DOCK1: variants seen among roughly 807,000 people sequenced by gnomAD.
DOCK1 encodes dedicator of cytokinesis 1, also known as dedicator of cytokinesis protein 1.
Under a neutral mutation model 262.7 loss-of-function variants are expected in DOCK1, and 138 were observed. The ratio of observed to expected loss-of-function variants is 0.53; its 90% CI spans 0.46 to 0.61. The LOEUF is 0.61. Among genes scored for constraint, DOCK1 ranks in the 20% least tolerant of loss-of-function variants. DOCK1 has a pLI of 0.00. For missense variants in DOCK1, 1,908 were observed against 2,370.7 expected (o/e 0.80, Z 4.05); for synonymous variants, 866 against 867.4 (o/e 1.00, Z 0.03).
intron 18 of DOCK1, among the ~76,000 whole-genome samples, chr10:127,036,059 G>A (rs2043593988): frequency 6.9e-6 from 1 of 145,858 alleles, no homozygotes; most frequent in South Asian, 2.2e-4. Context: ...AGAGTAGAGT[G>A]CTCAATTCGT....
intron 27 of DOCK1, among the ~76,000 whole-genome samples, chr10:127,217,092 G>A (rs956228043): frequency 2.6e-5 from 4 of 152,132 alleles, no homozygotes; most frequent in Non-Finnish European, 5.9e-5. Context: ...AGAAGGGAAG[G>A]GGCACAGGCA....
intron 11 of DOCK1, among the ~76,000 whole-genome samples, chr10:127,011,528 G>C (rs2041442173): frequency 6.6e-6 from 1 of 152,168 alleles, no homozygotes; most frequent in Non-Finnish European, 1.5e-5. Context: ...TGTGCTACAT[G>C]GTATTTCTAT....
chr10:127,447,637 G>T, intron 51 of DOCK1, 92 bp downstream of exon 51: 2 of 1,512,920 alleles, frequency 1.3e-6, no homozygotes, highest in East Asian at 2.4e-5. Flanking sequence ...GGTTTACTTC[G>T]GGCTAGTGAG....
At chr10:127,390,046 T>G (rs2066384963) in intron 38 of DOCK1, among the ~76,000 whole-genome samples, 1 of 149,808 alleles carries the variant, frequency 6.7e-6, no homozygotes, top group Non-Finnish European at 1.5e-5. Context: ...GAGACCTCCC[T>G]GCCTTCTGCT....
chr10:127,001,859 T>G (rs1488222956), intron 10 of DOCK1, among the ~76,000 whole-genome samples: 3 of 152,122 alleles, frequency 2.0e-5, no homozygotes, highest in African/African-American at 7.2e-5. Flanking sequence ...CCTTTTGCAT[T>G]TTCATCTTTC....
intron 1 of DOCK1, among the ~76,000 whole-genome samples, chr10:126,969,675 G>A (rs1057319847): frequency 4.0e-5 from 6 of 151,850 alleles, no homozygotes; most frequent in Non-Finnish European, 5.9e-5. Context: ...CCCAGCTGGC[G>A]AGGGAGAAGT....
intron 27 of DOCK1, among the ~76,000 whole-genome samples, chr10:127,200,504 C>T (rs1293759283): frequency 6.6e-6 from 1 of 152,086 alleles, no homozygotes; most frequent in Admixed American, 6.6e-5. Flanking sequence ...CTGCAACCTC[C>T]ATCTCCCATG....
At chr10:127,449,020 G>T (rs1326642479) in intron 51 of DOCK1, among the ~76,000 whole-genome samples, 2 of 152,062 alleles carry the variant, frequency 1.3e-5, no homozygotes, top group African/African-American at 4.8e-5. Flanking sequence ...ATATCAAAGA[G>T]GCAGATTGCT....
At chr10:127,203,815 C>T (rs982906553) in intron 27 of DOCK1, among the ~76,000 whole-genome samples, 11 of 151,724 alleles carry the variant, frequency 7.3e-5, no homozygotes, top group Non-Finnish European at 5.9e-5. Context: ...CCCCTCACTT[C>T]GGGGTTCTCA....
At chr10:126,945,462 A>AGAGAGAGAGG (rs1386264414) in intron 1 of DOCK1, among the ~76,000 whole-genome samples, 1 of 151,298 alleles carries the variant, frequency 6.6e-6, no homozygotes, top group African/African-American at 2.4e-5. Flanking sequence ...GGAAAGAGAG[A>AGAGAGAGAGG]GAGAGAGAGG....
Position 127,012,257 on chromosome 10 carries a change from C to T in DOCK1, c.1084C>T (p.His362Tyr), listed in dbSNP as rs780791808. Residue 362 changes from histidine to tyrosine, a missense_variant, in exon 12 of 52, where the codon CAC (histidine) becomes TAC (tyrosine). This residue lies in a region of DOCK1 where 57 missense variants were observed against 39.7 expected (regional missense o/e 1.44). Transcript: ENST00000623213. This position sits in a 1 kb window ranked among gnomAD's most constrained non-coding sequence, Gnocchi z 4.0. ...QPLALDDAIR[H>Y]KPLNMSSRFS... is the part of the protein sequence containing the mutation. ...GCTCGCGTTGGACGACGCCATTCGA[C>T]ACAAGCCGCTGAACATGTCATCCCG... 5.0e-6 allele frequency: 8 copies of T among 1,610,420 alleles called. No individual in the cohort carries two copies. In the Admixed American group the frequency reaches 1.2e-4, roughly 23 times the overall value.
Position 127,012,102 on chromosome 10 carries a change from C to T in DOCK1, c.1059-130C>T, listed in dbSNP as rs565833369. 9 of 628,184 alleles carry T rather than the reference C, an allele frequency of 1.4e-5. No individual in the cohort carries two copies. Among genetic ancestry groups the T allele is most frequent in the East Asian group, 2.7e-5 (1 of 36,432 alleles). The allele number at this position is 628,184 out of a possible 1,614,324, so 38.9% of individuals were successfully genotyped here. ...TCTTGTCACCTCTCCCATCCTTTGT[C>T]GTGCGTTGACTCATGATGCCTCCCT... On this transcript the variant is annotated intron_variant, in intron 11 of 51. Transcript: ENST00000623213. This position sits in a 1 kb window ranked among gnomAD's most constrained non-coding sequence, Gnocchi z 4.0.
chr10:126,979,481 T>G (rs1371025293), intron 3 of DOCK1, among the ~76,000 whole-genome samples: 1 of 152,180 alleles, frequency 6.6e-6, no homozygotes, highest in Non-Finnish European at 1.5e-5. Context: ...CATTCCTACA[T>G]AGGACACAAC....
At chr10:127,053,892 A>T (rs143654772) in intron 22 of DOCK1, among the ~76,000 whole-genome samples, 1,866 of 152,012 alleles carry the variant, frequency 0.012, 30 homozygotes, top group African/African-American at 0.034. Context: ...TTTTTGGGGG[A>T]TGGCTATTTT....
At chr10:127,187,164 G>A (rs958168386) in intron 27 of DOCK1, among the ~76,000 whole-genome samples, 1 of 152,206 alleles carries the variant, frequency 6.6e-6, no homozygotes, top group Non-Finnish European at 1.5e-5. Flanking sequence ...AACACATTAA[G>A]TGTTAAACTC....
At chr10:126,964,412 C>T (rs942852178) in intron 1 of DOCK1, among the ~76,000 whole-genome samples, 29 of 152,170 alleles carry the variant, frequency 1.9e-4, no homozygotes, top group Admixed American at 6.5e-4. Context: ...GTGTGAAGTT[C>T]GAGACCAGGC....
chr10:127,356,715 A>G (rs1926435), intron 32 of DOCK1, among the ~76,000 whole-genome samples: 61,794 of 151,802 alleles, frequency 0.41, 14,421 homozygotes, highest in African/African-American at 0.64. Flanking sequence ...ATAGGCACCA[A>G]CGTTCATGAA....
intron 16 of DOCK1, among the ~76,000 whole-genome samples, chr10:127,028,948 G>A (rs1445761151): frequency 1.3e-5 from 2 of 152,178 alleles, no homozygotes; most frequent in African/African-American, 2.4e-5. Context: ...GGTTAAGAAC[G>A]GGGTTCTGGA....
intron 6 of DOCK1, among the ~76,000 whole-genome samples, chr10:126,993,243 C>A (rs112669561): frequency 0.012 from 1,845 of 152,350 alleles, 55 homozygotes; most frequent in African/African-American, 0.042. Flanking sequence ...CCCAATTCTG[C>A]GTGGCCTGTA....
Sources: gnomAD v4.1 joint callset for allele counts (sites outside exome capture counted in the v4.1 genomes callset) on GRCh38, gnomAD v4.1.1 for gene constraint, gnomAD v4.1.1 regional missense constraint, Gnocchi (gnomAD v3.1) non-coding constraint, MANE v1.5 for transcripts, NCBI Gene and HGNC (gene_info 2026-07-23, HGNC 2026-07-21) for gene names.